NEMP2: variants seen among roughly 807,000 people sequenced by gnomAD.
NEMP2 encodes nuclear envelope integral membrane protein 2, also known as UPF0571 transmembrane protein.
A neutral mutation model predicts 54.2 loss-of-function variants in NEMP2; 53 were observed. The observed-to-expected ratio is 0.98, with a 90% CI of 0.78 to 1.23. The LOEUF (loss-of-function observed/expected upper bound fraction) is 1.23, where lower values mean the gene tolerates loss of function less well. Ranked by LOEUF, NEMP2 falls within the 50% of genes most tolerant of loss-of-function variation. The pLI, the probability that NEMP2 is intolerant of heterozygous loss-of-function variation, is 0.00. For missense variants in NEMP2, 455 were observed against 511.3 expected (o/e 0.89, Z 1.06); for synonymous variants, 197 against 190.3 (o/e 1.04, Z -0.29).
At chr2:190,578,677 G>T in the NEMP2 span, among the ~76,000 whole-genome samples, 41,949 of 151,610 alleles carry the variant, frequency 0.28, 6,554 homozygotes, top group Admixed American at 0.45. This position sits in a 1 kb window ranked among gnomAD's most constrained non-coding sequence, Gnocchi z 4.4. Flanking sequence ...AGAGGAAGTT[G>T]TGGGGGCATG....
the NEMP2 span, among the ~76,000 whole-genome samples, chr2:190,540,368 C>G: frequency 2.2e-4 from 34 of 152,028 alleles, no homozygotes; most frequent in African/African-American, 7.2e-4. Context: ...ACTGCAGCCT[C>G]AACCCCCCAG....
chr2:190,513,273 G>C lies in NEMP2; in HGVS notation c.953+1180C>G, dbSNP rs753529398. Among the ~76,000 whole-genome samples the C allele has an allele frequency of 2.0e-5, 3 of 151,984 alleles. No individual in the cohort carries two copies. Among genetic ancestry groups the C allele is most frequent in the East Asian group, 1.9e-4 (1 of 5,182 alleles). ...AATCCTGAGATTTCACATTCTAATC[G>C]TAATTCCCATTTCCAATTTTTCTAG... On this transcript the variant is annotated intron_variant, in intron 7 of 8. Transcript: ENST00000409150. The surrounding 1 kb of genome is among the most constrained non-coding windows in gnomAD (Gnocchi z 5.3).
the NEMP2 span, among the ~76,000 whole-genome samples, chr2:190,617,629 C>G: frequency 6.6e-6 from 1 of 152,200 alleles, no homozygotes; most frequent in Non-Finnish European, 1.5e-5. The surrounding 1 kb of genome is among the most constrained non-coding windows in gnomAD (Gnocchi z 5.0). Context: ...TGCTCCAACC[C>G]TATTTATACT....
At chr2:190,549,449 G>T in the NEMP2 span, among the ~76,000 whole-genome samples, 1 of 152,186 alleles carries the variant, frequency 6.6e-6, no homozygotes, top group East Asian at 1.9e-4. Context: ...TGCAGTTCAT[G>T]TAGAAAAGGC....
chr2:190,582,704 G>A, the NEMP2 span, among the ~76,000 whole-genome samples: 1 of 152,330 alleles, frequency 6.6e-6, no homozygotes, highest in African/African-American at 2.4e-5. This position sits in a 1 kb window ranked among gnomAD's most constrained non-coding sequence, Gnocchi z 4.6. Context: ...ACGAGCAAGA[G>A]CAGGGGTGAG....
the NEMP2 span, among the ~76,000 whole-genome samples, chr2:190,570,438 C>CAAG: frequency 9.4e-4 from 143 of 152,238 alleles, 1 homozygote; most frequent in Admixed American, 9.4e-3. The surrounding 1 kb of genome is among the most constrained non-coding windows in gnomAD (Gnocchi z 5.4). Flanking sequence ...AAAGCCAGCC[C>CAAG]AAGGGTAGCA....
At chr2:190,556,797 T>A in the NEMP2 span, among the ~76,000 whole-genome samples, 1 of 152,144 alleles carries the variant, frequency 6.6e-6, no homozygotes, top group East Asian at 1.9e-4. Flanking sequence ...CAAGGAGAAC[T>A]ACAAACCACT....
chr2:190,638,113 G>A, the NEMP2 span, among the ~76,000 whole-genome samples: 1 of 152,206 alleles, frequency 6.6e-6, no homozygotes, highest in Non-Finnish European at 1.5e-5. This position sits in a 1 kb window ranked among gnomAD's most constrained non-coding sequence, Gnocchi z 5.7. Context: ...AGAGCCTACA[G>A]AGCAAGGAGT....
chr2:190,509,365 T>C lies in NEMP2; in HGVS notation c.1131-53A>G. The C allele has an allele frequency of 6.5e-7, 1 of 1,531,676 alleles. No individual in the cohort carries two copies. The highest frequency in any genetic ancestry group is 8.8e-7 in the Non-Finnish European group (1 of 1,130,496). The allele number at this position is 1,531,676 out of a possible 1,614,324, so 94.9% of individuals were successfully genotyped here. ...TTAATGTTATCTCAGGAAGGTTTATTTGAAAGATAACATGTTCCCTTGCTA... is the reference window on the plus strand; with the variant it reads ...TTAATGTTATCTCAGGAAGGTTTATCTGAAAGATAACATGTTCCCTTGCTA... On this transcript the variant is annotated intron_variant, in intron 8 of 8. Coordinates refer to ENST00000409150, the MANE Select transcript of NEMP2 (RefSeq NM_001142645.2). The surrounding 1 kb of genome is among the most constrained non-coding windows in gnomAD (Gnocchi z 6.1).
the NEMP2 span, among the ~76,000 whole-genome samples, chr2:190,573,987 T>A: frequency 6.6e-6 from 1 of 152,228 alleles, no homozygotes; most frequent in African/African-American, 2.4e-5. Flanking sequence ...CTTGGAATGG[T>A]TAGCATTCTG....
chr2:190,593,313 T>A, the NEMP2 span, among the ~76,000 whole-genome samples: 1 of 152,136 alleles, frequency 6.6e-6, no homozygotes, highest in Non-Finnish European at 1.5e-5. The surrounding 1 kb of genome is among the most constrained non-coding windows in gnomAD (Gnocchi z 4.5). Context: ...AAAAAGAAAG[T>A]TCATTTTATC....
the NEMP2 span, among the ~76,000 whole-genome samples, chr2:190,486,612 A>G: frequency 5.3e-5 from 8 of 152,154 alleles, no homozygotes; most frequent in African/African-American, 1.7e-4. Flanking sequence ...CCACTGTCTC[A>G]TATGTTTTGT....
At position 190,510,421 on chromosome 2, in the gene NEMP2, G is replaced by T; in HGVS notation, c.1070C>A (p.Ala357Asp). 6.4e-7 allele frequency: 1 copy of T among 1,551,706 alleles called. No individual in the cohort carries two copies. The highest frequency in any genetic ancestry group is 8.7e-7 in the Non-Finnish European group (1 of 1,147,002). ...TGAGGGAAAGTCGGGTTTTCGGCAG[G>T]CCCGGCGTAGCTCCTCCAGAGCACT... Reference protein sequence around the residue: ...TNSALEELRRACRKPDFPSWL... With the variant: ...TNSALEELRRDCRKPDFPSWL... The change falls in exon 8 of 9, where the codon GCC (alanine) becomes GAC (aspartate). Residue 357 changes from alanine (A) to aspartate (D), a missense_variant. Transcript: ENST00000409150. The surrounding 1 kb of genome is among the most constrained non-coding windows in gnomAD (Gnocchi z 5.7).
At chr2:190,485,600 T>G in the NEMP2 span, among the ~76,000 whole-genome samples, 1 of 152,156 alleles carries the variant, frequency 6.6e-6, no homozygotes, top group South Asian at 2.1e-4. This position sits in a 1 kb window ranked among gnomAD's most constrained non-coding sequence, Gnocchi z 5.1. Flanking sequence ...ATAATAGAAA[T>G]GAAAATACTT....
chr2:190,471,287 C>T, the NEMP2 span, among the ~76,000 whole-genome samples: 1 of 152,108 alleles, frequency 6.6e-6, no homozygotes, highest in African/African-American at 2.4e-5. This position sits in a 1 kb window ranked among gnomAD's most constrained non-coding sequence, Gnocchi z 4.7. Context: ...TGAAGCAGGG[C>T]GAGGCATCAC....
chr2:190,444,315 T>C, the NEMP2 span, among the ~76,000 whole-genome samples: 2 of 152,338 alleles, frequency 1.3e-5, no homozygotes, highest in African/African-American at 4.8e-5. Context: ...TTCTTGGTCA[T>C]GGCCCAGTTT....
chr2:190,577,231 T>C, the NEMP2 span, among the ~76,000 whole-genome samples: 91 of 152,308 alleles, frequency 6.0e-4, no homozygotes, highest in South Asian at 1.0e-3. This position sits in a 1 kb window ranked among gnomAD's most constrained non-coding sequence, Gnocchi z 4.8. Flanking sequence ...ATTTGGAAAG[T>C]GGGGACTTAC....
the NEMP2 span, among the ~76,000 whole-genome samples, chr2:190,449,653 A>G: frequency 2.1e-5 from 3 of 140,046 alleles, no homozygotes; most frequent in Non-Finnish European, 3.3e-5. Context: ...AAGAAAATGT[A>G]GCACATATAA....
upstream of NEMP2, among the ~76,000 whole-genome samples, chr2:190,537,822 A>C (rs1416571485): frequency 6.6e-6 from 1 of 152,218 alleles, no homozygotes; most frequent in South Asian, 2.1e-4. Context: ...ACTATGGGGA[A>C]AATGTCTCCA....
Sources: allele counts gnomAD v4.1 joint callset (sites outside exome capture counted in the v4.1 genomes callset), GRCh38; gene constraint gnomAD v4.1.1; non-coding constraint Gnocchi (gnomAD v3.1); transcripts MANE v1.5; gene names NCBI Gene and HGNC (gene_info 2026-07-23, HGNC 2026-07-21).